The following TTLL8 variants were observed in gnomAD, a reference collection of about 807,000 sequenced individuals.
TTLL8 encodes protein monoglycylase TTLL8.
A neutral mutation model predicts 77.8 loss-of-function variants in TTLL8; 65 were observed. The ratio of observed to expected loss-of-function variants is 0.84; its 90% CI spans 0.68 to 1.03. TTLL8 has a LOEUF of 1.03. TTLL8 is among the 50% of genes least tolerant of loss of function. The probability of loss-of-function intolerance (pLI) is 0.00; values close to 1 mark genes in which losing one functional copy is unlikely to be tolerated. For synonymous variants in TTLL8, 402 were observed against 422.8 expected (o/e 0.95, Z 0.60); for missense variants, 910 against 1,004.5 (o/e 0.91, Z 1.27).
At chr22:50,023,894 C>T (rs746271942) in intron 12 of TTLL8, among the ~76,000 whole-genome samples, 1 of 151,848 alleles carries the variant, frequency 6.6e-6, no homozygotes, top group South Asian at 2.1e-4. Context: ...GTCGTGGGCA[C>T]CTGTAATCCC....
rs2061311075 is a variant in TTLL8 at position 50,033,265 on chromosome 22, C to T, written c.1220G>A (p.Trp407Ter). The T allele has an allele frequency of 7.3e-7, 1 of 1,360,920 alleles. No homozygotes were observed. Among genetic ancestry groups the T allele is most frequent in the Non-Finnish European group, 9.8e-7 (1 of 1,019,132 alleles). 84.3% of individuals were successfully genotyped at this position (1,360,920 alleles called of 1,614,324 possible). A position where few individuals can be genotyped will look rare whatever the true frequency, so the allele number is the denominator to read the frequency against. Residue 407 changes from tryptophan to a stop codon, truncating the protein, a stop_gained, in exon 10 of 14, where the codon TGG (tryptophan) becomes TAG (stop). Coordinates refer to ENST00000266182, the Ensembl canonical transcript of TTLL8. LOFTEE classifies it high-confidence loss of function. The stretch of plus-strand genomic sequence containing the variant: ...CCGCAAGTAACTCTCCTTGTAGAAC[C>T]AGATGGTCAGGGGGTTCCAGTCCGT...
chr22:50,019,887 G>A (rs2061184993), intron 12 of TTLL8, among the ~76,000 whole-genome samples: 1 of 152,110 alleles, frequency 6.6e-6, no homozygotes, highest in Non-Finnish European at 1.5e-5. Flanking sequence ...AAAAGACACT[G>A]GCAGTCCGGA....
intron 12 of TTLL8, among the ~76,000 whole-genome samples, chr22:50,022,650 C>T (rs917109563): frequency 1.3e-5 from 2 of 152,268 alleles, no homozygotes; most frequent in African/African-American, 4.8e-5. Flanking sequence ...ACTCCTCCAT[C>T]TGACGATGTG....
rs2061276993 is a variant in TTLL8 at position 50,030,253 on chromosome 22, G to C, written c.2203+177C>G. 5 of 985,062 alleles carry C rather than the reference G, an allele frequency of 5.1e-6. No homozygotes were observed. The South Asian group carries it at 1.9e-4, about 37-fold the overall frequency. 61.0% of individuals were successfully genotyped at this position (985,062 alleles called of 1,614,324 possible). A position where few individuals can be genotyped will look rare whatever the true frequency, so the allele number is the denominator to read the frequency against. On this transcript the variant is annotated intron_variant, in intron 12 of 13. Transcript: ENST00000266182. ...GAGACCCCCGTGCCGGGCTGGGACAGGTGCCCCAACCCCGCTCCCCGGCTC... is the reference window on the plus strand; with the variant it reads ...GAGACCCCCGTGCCGGGCTGGGACACGTGCCCCAACCCCGCTCCCCGGCTC...
At chr22:50,056,469 A>C (rs1417588288), upstream of TTLL8, among the ~76,000 whole-genome samples, 5 of 152,076 alleles carry the variant, frequency 3.3e-5, no homozygotes, top group East Asian at 9.6e-4. The surrounding 1 kb of genome is among the most constrained non-coding windows in gnomAD (Gnocchi z 4.1). Context: ...AAAGCTAAGT[A>C]TGCGCCTGCC....
rs1191247965 is a variant in TTLL8, at chr22:50,041,812, A to G, written c.644-5T>C. 5 of 1,359,320 alleles carry G rather than the reference A, an allele frequency of 3.7e-6. No individual in the cohort carries two copies. The highest frequency in any genetic ancestry group is 3.9e-6 in the Non-Finnish European group (4 of 1,019,192). 84.2% of individuals were successfully genotyped at this position (1,359,320 alleles called of 1,614,324 possible). A position where few individuals can be genotyped will look rare whatever the true frequency, so the allele number is the denominator to read the frequency against. ...TTGCCTCAGCATTTTCAGCATCTGAAACCCAGACACAGGCACATGCAGTGG... is the reference window on the plus strand; with the variant it reads ...TTGCCTCAGCATTTTCAGCATCTGAGACCCAGACACAGGCACATGCAGTGG... On this transcript the variant is annotated splice_region_variant and splice_polypyrimidine_tract_variant and intron_variant, in intron 6 of 13. Transcript: ENST00000266182. This position sits in a 1 kb window ranked among gnomAD's most constrained non-coding sequence, Gnocchi z 4.3.
intron 1 of TTLL8, among the ~76,000 whole-genome samples, chr22:50,053,611 G>C (rs1030950340): frequency 6.6e-6 from 1 of 152,182 alleles, no homozygotes; most frequent in African/African-American, 2.4e-5. Flanking sequence ...AAGAAAATCT[G>C]AAAATTAATG....
intron 11 of TTLL8, 113 bp downstream of exon 12, chr22:50,031,573 C>T: frequency 1.7e-6 from 2 of 1,192,212 alleles, no homozygotes; most frequent in Non-Finnish European, 2.1e-6. Flanking sequence ...CGGTGTCCTC[C>T]ATAGACCCCG....
exon 5 of TTLL8, chr22:50,045,878 C>A: frequency 7.4e-7 from 1 of 1,356,960 alleles, no homozygotes; most frequent in Non-Finnish European, 9.8e-7. Flanking sequence ...GCTGCTCACT[C>A]TCGGTGCAGA....
At chr22:50,055,383 G>C, upstream of TTLL8, 1 of 1,243,660 alleles carries the variant, frequency 8.0e-7, no homozygotes, top group Non-Finnish European at 1.1e-6. Flanking sequence ...GCCAGGCACG[G>C]TGGCTCATGC....
chr22:50,021,939 G>C (rs796213741), intron 12 of TTLL8, among the ~76,000 whole-genome samples: 107 of 48,110 alleles, frequency 2.2e-3, no homozygotes, highest in South Asian at 0.01. Context: ...CTGACATGCA[G>C]TCCTCCATCT....
chr22:50,047,355 G>T, intron 3 of TTLL8, 59 bp from the exon 6 acceptor site: 1 of 1,330,162 alleles, frequency 7.5e-7, no homozygotes, highest in Non-Finnish European at 1.0e-6. Flanking sequence ...CAGCCAGGAT[G>T]GGATGGAGTG....
Position 50,034,626 on chromosome 22 carries a change from C to T in TTLL8, c.922-164G>A, listed in dbSNP as rs56327033. ...GGCCTGGCGGGAAAGGGCTGCGGGT[C>T]GGCCCAGGAAGTTCTCCCAACAGTA... On this transcript the variant is annotated intron_variant, in intron 8 of 13. Coordinates refer to ENST00000266182, the Ensembl canonical transcript of TTLL8. This position sits in a 1 kb window ranked among gnomAD's most constrained non-coding sequence, Gnocchi z 4.1. 40,526 of 633,008 alleles carry T rather than the reference C, an allele frequency of 0.064. 1,483 individuals are homozygous for T. Among genetic ancestry groups the T allele is most frequent in the Middle Eastern group, 0.13 (309 of 2,388 alleles). 39.2% of individuals were successfully genotyped at this position (633,008 alleles called of 1,614,324 possible).
At chr22:50,031,958 T>A in exon 11 of TTLL8, 1 of 1,366,834 alleles carries the variant, frequency 7.3e-7, no homozygotes, top group South Asian at 1.1e-5. Flanking sequence ...GACGGGTAGA[T>A]GACGCTGCCC....
intron 12 of TTLL8, chr22:50,030,069 AG>A (rs2061275587): frequency 1.3e-6 from 1 of 766,882 alleles, no homozygotes; most frequent in African/African-American, 1.9e-5. Flanking sequence ...TCGCTCGGCC[AG>A]GGAGCTTGGT....
exon 12 of TTLL8, chr22:50,030,556 C>T (rs756146276): frequency 6.8e-6 from 9 of 1,316,864 alleles, no homozygotes; most frequent in African/African-American, 1.5e-5. Flanking sequence ...ACGGGGACAC[C>T]GGTGTTTGGG....
intron 12 of TTLL8, among the ~76,000 whole-genome samples, chr22:50,029,610 G>A (rs137899): frequency 0.27 from 40,720 of 151,452 alleles, 5,860 homozygotes; most frequent in South Asian, 0.58. Flanking sequence ...GGGCGCCTGT[G>A]GTCCCAGCTA....
At position 50,030,514 on chromosome 22, in the gene TTLL8, G is replaced by A; in HGVS notation, c.2119C>T (p.Gln707Ter). ...GGCTCCAGCGGGTGCGCATTTAGCT[G>A]GTTTGGATCCCAGCTTTTGGCGGGC... is the stretch of plus-strand genomic sequence containing the variant. The change falls in exon 12 of 14, where the codon CAG (glutamine) becomes TAG (stop). Residue 707 changes from glutamine to a stop codon, truncating the protein, a stop_gained. Transcript: ENST00000266182. LOFTEE classifies it high-confidence loss of function. 7.5e-7 allele frequency: 1 copy of A among 1,338,090 alleles called. No homozygotes were observed. Among genetic ancestry groups the A allele is most frequent in the South Asian group, 1.2e-5 (1 of 84,284 alleles). The allele number at this position is 1,338,090 out of a possible 1,614,324, so 82.9% of individuals were successfully genotyped here.
rs759801321 is a variant in TTLL8 at position 50,034,363 on chromosome 22, C to T, written c.1021G>A (p.Gly341Ser). 6.6e-6 allele frequency: 9 copies of T among 1,366,290 alleles called. No homozygotes were observed. The African/African-American group carries it at 1.0e-4, about 16-fold the overall frequency. The allele number at this position is 1,366,290 out of a possible 1,614,324, so 84.6% of individuals were successfully genotyped here. ...TCCGCACCAGGGGACTCACCTCGGC[C>T]CCGGGACTTGGCCGCGGGCTTTATA... The change falls in exon 9 of 14, where the codon GGC becomes AGC. Residue 341 changes from glycine (G) to serine (S), a missense_variant. By Grantham distance (56) the Gly-to-Ser change is moderately conservative. Transcript: ENST00000266182. The surrounding 1 kb of genome is among the most constrained non-coding windows in gnomAD (Gnocchi z 4.1).
Sources: gnomAD v4.1 joint callset for allele counts (sites outside exome capture counted in the v4.1 genomes callset) on GRCh38, gnomAD v4.1.1 for gene constraint, Gnocchi (gnomAD v3.1) non-coding constraint, MANE v1.5 for transcripts, NCBI Gene and HGNC (gene_info 2026-07-23, HGNC 2026-07-21) for gene names.